FANCB: variants seen among roughly 807,000 people sequenced by gnomAD.
FANCB encodes the protein Fanconi anemia group B protein.
Under a neutral mutation model 38.9 loss-of-function variants are expected in FANCB, and 5 were observed. The observed-to-expected ratio is 0.13, with a 90% CI of 0.07 to 0.27. The LOEUF (loss-of-function observed/expected upper bound fraction) is 0.27. Among genes scored for constraint, FANCB ranks in the 10% least tolerant of loss-of-function variants. The probability of loss-of-function intolerance (pLI) is 1.00; values close to 1 mark genes in which losing one functional copy is unlikely to be tolerated. For synonymous variants in FANCB, 236 were observed against 215.4 expected (o/e 1.10, Z -0.84); for missense variants, 573 against 602.7 (o/e 0.95, Z 0.52).
downstream of FANCB, among the ~76,000 whole-genome samples, chrX:14,831,476 G>T (rs1029245505): frequency 8.9e-6 from 1 of 111,964 alleles, no homozygotes; most frequent in African/African-American, 3.2e-5. Flanking sequence ...GAATGGGAAA[G>T]TAGGATTGAA....
At chrX:14,703,838 GGTCACCTGCTGAT>G in the FANCB span, among the ~76,000 whole-genome samples, 78 of 111,566 alleles carry the variant, frequency 7.0e-4, 1 homozygote, top group South Asian at 0.029. Context: ...TGGCAACCAT[GGTCACCTGCTGAT>G]TATTCACACA....
chrX:14,865,773 G>C (rs762024126), intron 2 of FANCB, among the ~76,000 whole-genome samples, 193 bp from the exon 3 acceptor site: 11 of 111,838 alleles, frequency 9.8e-5, no homozygotes, highest in African/African-American at 2.9e-4. Flanking sequence ...CTTTAAAAAA[G>C]TTTGCTAAGA....
the FANCB span, among the ~76,000 whole-genome samples, chrX:14,752,659 A>G: frequency 8.9e-6 from 1 of 111,873 alleles, no homozygotes; most frequent in Non-Finnish European, 1.9e-5. Flanking sequence ...CATTTCAATC[A>G]TAAGTCCCCA....
At chrX:14,694,527 T>C in the FANCB span, among the ~76,000 whole-genome samples, 3 of 112,010 alleles carry the variant, frequency 2.7e-5, no homozygotes, top group East Asian at 8.4e-4. Context: ...ATATAGCAAA[T>C]AGGCTATTGA....
Position 14,865,181 on chromosome X carries a change from T to G in FANCB, c.330A>C (p.Leu110=), listed in dbSNP as rs201633684. Residue 110 remains leucine (L), a synonymous_variant, in exon 3 of 10, where the codon CTA becomes CTC. Coordinates refer to ENST00000650831, the MANE Select transcript of FANCB (RefSeq NM_001018113.3). The part of the protein sequence containing the change: ...KKNNVFEYFL[L]ILHSTNKFEM... Reference sequence around the variant, plus strand: ...CAAATTTATTAGTACTGTGAAGGATTAGTAAAAAATATTCAAAAACATTAT... The same window carrying G: ...CAAATTTATTAGTACTGTGAAGGATGAGTAAAAAATATTCAAAAACATTAT... 128 of 1,163,559 alleles carry G rather than the reference T, an allele frequency of 1.1e-4. No individual in the cohort carries two copies. The highest frequency in any genetic ancestry group is 1.4e-4 in the Admixed American group (5 of 36,346).
chrX:14,732,324 A>AAAT, the FANCB span, among the ~76,000 whole-genome samples: 1 of 111,857 alleles, frequency 8.9e-6, no homozygotes, highest in African/African-American at 3.3e-5. Flanking sequence ...TGGCTATTGT[A>AAAT]AATAGTGCTG....
At chrX:14,692,299 T>C in the FANCB span, among the ~76,000 whole-genome samples, 1 of 112,610 alleles carries the variant, frequency 8.9e-6, no homozygotes, top group East Asian at 2.8e-4. Context: ...GCCTCCCTGT[T>C]GGTGCTAACG....
chrX:14,730,066 G>A, the FANCB span: 1 of 500,365 alleles, frequency 2.0e-6, no homozygotes, highest in African/African-American at 2.4e-5. Flanking sequence ...AGTTGAACTT[G>A]AAAGAGAACT....
chrX:14,690,550 A>G, the FANCB span, among the ~76,000 whole-genome samples: 2 of 112,019 alleles, frequency 1.8e-5, no homozygotes, highest in Non-Finnish European at 3.8e-5. Flanking sequence ...CAATGGCTTA[A>G]GCACTTTCTT....
downstream of FANCB, among the ~76,000 whole-genome samples, chrX:14,840,212 G>A (rs1339862436): frequency 1.4e-4 from 16 of 111,582 alleles, no homozygotes; most frequent in African/African-American, 5.2e-4. Flanking sequence ...ATTTAGATTT[G>A]ATTCTGAGGT....
chrX:14,693,659 A>G, the FANCB span, among the ~76,000 whole-genome samples: 17 of 112,352 alleles, frequency 1.5e-4, no homozygotes, highest in Non-Finnish European at 2.3e-4. Context: ...TCAAGTCAGA[A>G]GAAACATTTT....
the FANCB span, among the ~76,000 whole-genome samples, chrX:14,828,799 C>A: frequency 9.0e-6 from 1 of 111,513 alleles, no homozygotes; most frequent in Non-Finnish European, 1.9e-5. Flanking sequence ...GCAGCCCTGT[C>A]CTCCCAGGCT....
At chrX:14,825,969 C>T in the FANCB span, among the ~76,000 whole-genome samples, 2 of 112,180 alleles carry the variant, frequency 1.8e-5, no homozygotes, top group Non-Finnish European at 3.8e-5. Flanking sequence ...TTAACAGAGA[C>T]AGTTCTGTCC....
the FANCB span, among the ~76,000 whole-genome samples, chrX:14,819,796 TCA>T: frequency 9.0e-6 from 1 of 111,479 alleles, no homozygotes; most frequent in Non-Finnish European, 1.9e-5. Context: ...AAAATATTTC[TCA>T]GTTTCATTCA....
chrX:14,872,635 G>GCCCCC (rs199639756), intron 1 of FANCB, among the ~76,000 whole-genome samples: 1 of 72,600 alleles, frequency 1.4e-5, no homozygotes, highest in Non-Finnish European at 2.6e-5. Context: ...TGGTAAAACC[G>GCCCCC]CCCCCCCCAC....
At chrX:14,719,329 T>C in the FANCB span, among the ~76,000 whole-genome samples, 1 of 111,699 alleles carries the variant, frequency 9.0e-6, no homozygotes, top group Admixed American at 9.5e-5. Context: ...ATCAAAAATA[T>C]ACAAGGAGCT....
chrX:14,869,004 T>C lies in FANCB; in HGVS notation c.-152A>G, dbSNP rs2092483155. 1 of 111,739 alleles carries C rather than the reference T, an allele frequency of 8.9e-6. No homozygotes were observed. The highest frequency in any genetic ancestry group is 3.2e-5 in the African/African-American group (1 of 30,774). The allele number at this position is 111,739 out of a possible 1,213,427, so 9.2% of individuals were successfully genotyped here. On this transcript the variant is annotated 5_prime_UTR_variant, in exon 2 of 10. Coordinates refer to ENST00000650831, the MANE Select transcript of FANCB (RefSeq NM_001018113.3). ...GTTTCAGCTTCATCAGTAAAGAAGA[T>C]AGGGTAGGTAAATCAAAGGTCTGGC...
At chrX:14,741,981 C>T in the FANCB span, among the ~76,000 whole-genome samples, 2 of 111,736 alleles carry the variant, frequency 1.8e-5, no homozygotes, top group African/African-American at 6.5e-5. Context: ...TCTGCCTCTA[C>T]TTATGGGTGA....
chrX:14,691,353 TCTGA>T, the FANCB span, among the ~76,000 whole-genome samples: 1 of 108,609 alleles, frequency 9.2e-6, no homozygotes, highest in Non-Finnish European at 1.9e-5. Flanking sequence ...ACATCACTGA[TCTGA>T]TTGACTTTTT....
Sources: gnomAD v4.1 joint callset for allele counts (sites outside exome capture counted in the v4.1 genomes callset) on GRCh38, gnomAD v4.1.1 for gene constraint, MANE v1.5 for transcripts, NCBI Gene and HGNC (gene_info 2026-07-23, HGNC 2026-07-21) for gene names.